The following CNNM2 variants were observed in gnomAD, a reference collection of about 807,000 sequenced individuals.
CNNM2 encodes cyclin and CBS domain divalent metal cation transport mediator 2, also known as metal transporter CNNM2.
A neutral mutation model predicts 66.9 loss-of-function variants in CNNM2; 12 were observed. The ratio of observed to expected loss-of-function variants is 0.18; its 90% CI spans 0.11 to 0.29. The LOEUF (loss-of-function observed/expected upper bound fraction) is 0.29, where lower values mean the gene tolerates loss of function less well. Ranked by LOEUF, CNNM2 falls within the 10% of genes least tolerant of loss-of-function variation. The probability of loss-of-function intolerance (pLI) is 1.00; values close to 1 mark genes in which losing one functional copy is unlikely to be tolerated. For synonymous variants in CNNM2, 557 were observed against 501.8 expected (o/e 1.11, Z -1.47); for missense variants, 705 against 1,167.7 (o/e 0.60, Z 5.77).
In CNNM2 at chr10:103,057,066, TA is replaced by T. The variant is rs1172842756; in HGVS notation, c.2073+103del. On this transcript the variant is annotated intron_variant, in intron 4 of 7. Transcript: ENST00000369878. ...ACCGTGTACATACTGAACCTTTCTATAGGGGGTAGCCTTAGACATGGGAGAA... is the reference window on the plus strand; with the variant it reads ...ACCGTGTACATACTGAACCTTTCTATGGGGGTAGCCTTAGACATGGGAGAA... 6 of 1,156,146 alleles carry T rather than the reference TA, an allele frequency of 5.2e-6. 1 individual carries two copies. The South Asian group carries it at 6.2e-5, about 12-fold the overall frequency. 71.6% of individuals were successfully genotyped at this position (1,156,146 alleles called of 1,614,324 possible).
At chr10:102,960,783 C>CTTTTTTT (rs1183182236) in intron 1 of CNNM2, among the ~76,000 whole-genome samples, 1 of 97,870 alleles carries the variant, frequency 1.0e-5, no homozygotes, top group Non-Finnish European at 2.0e-5. Flanking sequence ...CCATACCTGG[C>CTTTTTTT]TTTTTTTTTT....
At chr10:103,020,068 TC>T (rs2064540982) in intron 1 of CNNM2, among the ~76,000 whole-genome samples, 1 of 152,220 alleles carries the variant, frequency 6.6e-6, no homozygotes, top group African/African-American at 2.4e-5. Flanking sequence ...GTCAGTGAGT[TC>T]AACTCTTTCA....
intron 1 of CNNM2, among the ~76,000 whole-genome samples, chr10:103,036,298 G>A (rs2064937409): frequency 6.6e-6 from 1 of 152,144 alleles, no homozygotes; most frequent in South Asian, 2.1e-4. Context: ...GTTTTCTATG[G>A]GAGAAATTTC....
At chr10:103,052,303 A>C (rs911542093) in intron 2 of CNNM2, among the ~76,000 whole-genome samples, 3 of 151,652 alleles carry the variant, frequency 2.0e-5, no homozygotes, top group Non-Finnish European at 2.9e-5. Context: ...AAAAAAAAAA[A>C]ACCCAAACCG....
Position 103,029,069 on chromosome 10 carries a change from G to A in CNNM2, c.1622-20638G>A, listed in dbSNP as rs113430310. ...ACCCCTGACCTCAAATGATCCACCC[G>A]CCTCGGCCTCCCAAAATGCTGGGAT... On this transcript the variant is annotated intron_variant, in intron 1 of 7. Transcript: ENST00000369878. Among the ~76,000 whole-genome samples, 15,777 of 151,284 alleles carry A rather than the reference G, an allele frequency of 0.1. 844 individuals carry two copies. Among genetic ancestry groups the A allele is most frequent in the Middle Eastern group, 0.18 (52 of 294 alleles).
At chr10:102,971,701 T>C (rs965798751) in intron 1 of CNNM2, among the ~76,000 whole-genome samples, 1 of 152,204 alleles carries the variant, frequency 6.6e-6, no homozygotes, top group Non-Finnish European at 1.5e-5. Context: ...ATGGCCTTTT[T>C]TTGTATGACT....
rs2065269959 is a variant in CNNM2, at chr10:103,054,704, A to C, written c.1903+238A>C. Among the ~76,000 whole-genome samples, 1 of 152,128 alleles carries C rather than the reference A, an allele frequency of 6.6e-6. No individual in the cohort carries two copies. Among genetic ancestry groups the C allele is most frequent in the Non-Finnish European group, 1.5e-5 (1 of 68,034 alleles). Reference sequence around the variant, plus strand: ...CTGAGACATTTACCAGGGGTGGACCAGTAACTTAAAATTGGTCTGAAAGGT... The same window carrying C: ...CTGAGACATTTACCAGGGGTGGACCCGTAACTTAAAATTGGTCTGAAAGGT... On this transcript the variant is annotated intron_variant, in intron 3 of 7. Transcript: ENST00000369878. The surrounding 1 kb of genome is among the most constrained non-coding windows in gnomAD (Gnocchi z 5.2).
At chr10:102,938,568 T>C (rs1846322043) in intron 1 of CNNM2, among the ~76,000 whole-genome samples, 1 of 130,350 alleles carries the variant, frequency 7.7e-6, no homozygotes, top group South Asian at 2.4e-4. Context: ...TGCAGTTAGA[T>C]GGGATTGCGC....
intron 1 of CNNM2, among the ~76,000 whole-genome samples, chr10:102,930,207 G>A (rs1846018725): frequency 6.6e-6 from 1 of 152,140 alleles, no homozygotes; most frequent in African/African-American, 2.4e-5. Context: ...ACCATTCAGT[G>A]ATAATCTTGA....
intron 1 of CNNM2, among the ~76,000 whole-genome samples, chr10:103,010,414 GA>G (rs2064320133): frequency 6.6e-6 from 1 of 151,148 alleles, no homozygotes; most frequent in African/African-American, 2.4e-5. Context: ...ATTTTTTGTA[GA>G]GATGGGGTTT....
intron 1 of CNNM2, among the ~76,000 whole-genome samples, chr10:102,941,355 G>A (rs992919472): frequency 8.6e-5 from 13 of 152,028 alleles, no homozygotes; most frequent in African/African-American, 3.1e-4. Flanking sequence ...TGATCTGCCC[G>A]CCTTGGCCTA....
chr10:103,002,453 G>C (rs534781533), intron 1 of CNNM2, among the ~76,000 whole-genome samples: 1 of 151,404 alleles, frequency 6.6e-6, no homozygotes, highest in African/African-American at 2.4e-5. Flanking sequence ...CTGGGCTGGC[G>C]AGGATGTGGC....
intron 1 of CNNM2, among the ~76,000 whole-genome samples, chr10:102,931,987 T>C (rs776918872): frequency 3.9e-5 from 6 of 152,170 alleles, no homozygotes; most frequent in Middle Eastern, 3.2e-3. Context: ...TTTGGAGAAA[T>C]GTCTATGCAG....
chr10:102,964,431 G>C (rs1165667460), intron 1 of CNNM2, among the ~76,000 whole-genome samples: 1 of 152,078 alleles, frequency 6.6e-6, no homozygotes, highest in Non-Finnish European at 1.5e-5. Context: ...GTTTCACTGT[G>C]TTGGCCAGGC....
rs949313022 is a variant in CNNM2 at position 102,936,381 on chromosome 10, C to T, written c.1621+16280C>T. The stretch of plus-strand genomic sequence containing the variant: ...ATGTAAGGTTTGGCAGGAATAATTT[C>T]ATCTCTGTAGAGTTGATAACTAAGC... On this transcript the variant is annotated intron_variant, in intron 1 of 7. Transcript: ENST00000369878. 3.2e-4 allele frequency among the ~76,000 whole-genome samples: 49 copies of T among 152,138 alleles called. 1 individual carries two copies. Among genetic ancestry groups the T allele is most frequent in the African/African-American group, 1.1e-3 (46 of 41,422 alleles).
chr10:102,984,529 A>C (rs1323009203), intron 1 of CNNM2, among the ~76,000 whole-genome samples: 1 of 152,240 alleles, frequency 6.6e-6, no homozygotes, highest in East Asian at 1.9e-4. Context: ...CTTGCAGGAA[A>C]ATTTTTTGAT....
intron 1 of CNNM2, among the ~76,000 whole-genome samples, chr10:102,923,120 TTTC>T (rs1845716221): frequency 6.6e-6 from 1 of 152,078 alleles, no homozygotes; most frequent in Non-Finnish European, 1.5e-5. Flanking sequence ...GAATGTCTTC[TTTC>T]TTCTTCCTTT....
At chr10:102,995,956 T>C (rs1326117637) in intron 1 of CNNM2, among the ~76,000 whole-genome samples, 1 of 152,162 alleles carries the variant, frequency 6.6e-6, no homozygotes. Context: ...TGCCTGGGCC[T>C]CCCAAAGTGC....
At chr10:102,998,645 G>C in intron 1 of CNNM2, among the ~76,000 whole-genome samples, 1 of 152,044 alleles carries the variant, frequency 6.6e-6, no homozygotes, top group East Asian at 1.9e-4. Context: ...CAGGTGACAC[G>C]ATCTTCTATA....
Sources: allele counts gnomAD v4.1 joint callset (sites outside exome capture counted in the v4.1 genomes callset), GRCh38; gene constraint gnomAD v4.1.1; non-coding constraint Gnocchi (gnomAD v3.1); transcripts MANE v1.5; gene names NCBI Gene and HGNC (gene_info 2026-07-23, HGNC 2026-07-21).